The following HNF4A variants were observed in gnomAD, a reference collection of about 807,000 sequenced individuals.
HNF4A encodes the protein hepatocyte nuclear factor 4-alpha.
Under a neutral mutation model 52.4 loss-of-function variants are expected in HNF4A, and 15 were observed. That is an observed-to-expected ratio of 0.29 (90% confidence interval 0.19 to 0.44). The LOEUF is 0.44. Ranked by LOEUF, HNF4A falls within the 20% of genes least tolerant of loss-of-function variation. The probability of loss-of-function intolerance (pLI) is 1.00; values close to 1 mark genes in which losing one functional copy is unlikely to be tolerated. For missense variants in HNF4A, 479 were observed against 647.2 expected (o/e 0.74, Z 2.82); for synonymous variants, 280 against 264.4 (o/e 1.06, Z -0.57).
chr20:44,402,874 G>C (rs1233372856), intron 1 of HNF4A, among the ~76,000 whole-genome samples: 2 of 152,192 alleles, frequency 1.3e-5, no homozygotes. Context: ...GGCACTGCTT[G>C]TTGTCAGCTC....
intron 7 of HNF4A, 113 bp downstream of exon 7, chr20:44,419,989 A>G: frequency 1.8e-6 from 2 of 1,117,582 alleles, no homozygotes; most frequent in Non-Finnish European, 2.7e-6. Flanking sequence ...TGTTAACGAC[A>G]GCCAGGAGAG....
In HNF4A at chr20:44,401,361, G is replaced by T. The variant is rs1244311232; in HGVS notation, c.-12G>T. The T allele has an allele frequency of 3.1e-6, 5 of 1,614,052 alleles. No homozygotes were observed. Among genetic ancestry groups the T allele is most frequent in the Admixed American group, 1.7e-5 (1 of 60,024 alleles). On this transcript the variant is annotated 5_prime_UTR_variant, in exon 1 of 10. Transcript: ENST00000316099. ...GGGTAGGGCAGGTGGCCGCGGCGTG[G>T]AGGCAGGGAGAATGCGACTCTCCAA... is the stretch of plus-strand genomic sequence containing the variant.
chr20:44,425,801 C>T (rs6130613), intron 8 of HNF4A, among the ~76,000 whole-genome samples: 52,939 of 151,640 alleles, frequency 0.35, 10,788 homozygotes, highest in Middle Eastern at 0.51. Flanking sequence ...ACTACAGGTG[C>T]GTGCCACCAC....
chr20:44,429,732 C>T lies in HNF4A; in HGVS notation c.*67C>T, dbSNP rs2063855902. 10 of 1,515,160 alleles carry T rather than the reference C, an allele frequency of 6.6e-6. No homozygotes were observed. Among genetic ancestry groups the T allele is most frequent in the African/African-American group, 1.4e-5 (1 of 72,838 alleles). The allele number at this position is 1,515,160 out of a possible 1,614,324, so 93.9% of individuals were successfully genotyped here. On this transcript the variant is annotated 3_prime_UTR_variant, in exon 10 of 10. Coordinates refer to ENST00000316099, the MANE Select transcript of HNF4A (RefSeq NM_000457.6). Reference sequence around the variant, plus strand: ...CCCCTAAGAGAGCACCTGGTGATCACGTGGTCACGGCAAAGGAAGACGTGA... The same window carrying T: ...CCCCTAAGAGAGCACCTGGTGATCATGTGGTCACGGCAAAGGAAGACGTGA...
At chr20:44,379,045 A>G (rs1444408677) in intron 1 of HNF4A, among the ~76,000 whole-genome samples, 1 of 152,158 alleles carries the variant, frequency 6.6e-6, no homozygotes, top group African/African-American at 2.4e-5. Context: ...GTGGAATCAT[A>G]CAGTATTTGT....
intron 1 of HNF4A, chr20:44,402,507 A>G: frequency 1.6e-6 from 2 of 1,282,294 alleles, no homozygotes; most frequent in Non-Finnish European, 2.1e-6. Context: ...GTTGCCACTC[A>G]CCAAGTGAGA....
At chr20:44,433,400 G>C (rs1351887555), downstream of HNF4A, 1 of 155,040 alleles carries the variant, frequency 6.4e-6, no homozygotes, top group Admixed American at 6.5e-5. Flanking sequence ...CTAGAACAAG[G>C]CTGTGCACAG....
At chr20:44,370,746 G>A (rs2063025297) in intron 1 of HNF4A, among the ~76,000 whole-genome samples, 2 of 152,202 alleles carry the variant, frequency 1.3e-5, no homozygotes, top group African/African-American at 4.8e-5. Flanking sequence ...GGACAGCTGA[G>A]TCAGTAGGGT....
intron 1 of HNF4A, among the ~76,000 whole-genome samples, chr20:44,357,517 C>G (rs913114212): frequency 2.0e-5 from 3 of 152,136 alleles, no homozygotes; most frequent in Non-Finnish European, 4.4e-5. Flanking sequence ...TAGGGGTGAA[C>G]AGAAGGCCCC....
At chr20:44,385,879 A>T (rs549763484) in intron 1 of HNF4A, among the ~76,000 whole-genome samples, 1 of 143,532 alleles carries the variant, frequency 7.0e-6, no homozygotes, top group Non-Finnish European at 1.5e-5. Flanking sequence ...GTTTTTTTTA[A>T]GGCAGGGTCT....
chr20:44,409,470 G>A (rs900997708), intron 3 of HNF4A, among the ~76,000 whole-genome samples: 2 of 152,162 alleles, frequency 1.3e-5, no homozygotes, highest in Non-Finnish European at 2.9e-5. Flanking sequence ...ATTCCTCATA[G>A]GTGTCATCCA....
chr20:44,371,087 G>A (rs574003161), intron 1 of HNF4A, among the ~76,000 whole-genome samples: 3 of 152,330 alleles, frequency 2.0e-5, no homozygotes, highest in Non-Finnish European at 2.9e-5. Context: ...GGAGGCCTGG[G>A]TGCTCCCCTG....
At chr20:44,384,517 G>T (rs1442963568) in intron 1 of HNF4A, 1 of 152,122 alleles carries the variant, frequency 6.6e-6, no homozygotes, top group Non-Finnish European at 1.5e-5. Flanking sequence ...AAAGTTAATT[G>T]CTCACCTATA....
At chr20:44,411,500 G>A (rs1012470587) in intron 3 of HNF4A, among the ~76,000 whole-genome samples, 8 of 151,764 alleles carry the variant, frequency 5.3e-5, no homozygotes, top group Non-Finnish European at 1.2e-4. Flanking sequence ...GTGGGTGCGG[G>A]TGCTGGCAGG....
In HNF4A at chr20:44,387,689, G is replaced by C. The variant is rs867153573; in HGVS notation, c.50-18369G>C. 2.0e-4 allele frequency among the ~76,000 whole-genome samples: 20 copies of C among 101,314 alleles called. 2 individuals are homozygous for C. The highest frequency in any genetic ancestry group is 4.1e-4 in the Admixed American group (4 of 9,724). The allele number at this position is 101,314 out of a possible 152,430, so 66.5% of individuals were successfully genotyped here. ...GGGGAGGCGGGGGGGGCGGTGGAGCGGGGGAGATCCCCTCCCCAACCCTGG... is the reference window on the plus strand; with the variant it reads ...GGGGAGGCGGGGGGGGCGGTGGAGCCGGGGAGATCCCCTCCCCAACCCTGG... On this transcript the variant is annotated intron_variant, in intron 1 of 9. Coordinates refer to the HNF4A transcript ENST00000316673.
chr20:44,391,795 G>A lies in HNF4A; in HGVS notation c.50-14263G>A. Reference sequence around the variant, plus strand: ...TTACATGCTATCTGGTCTGTATAAAGAAACCTTGGCAGATACATCTGTAAG... The same window carrying A: ...TTACATGCTATCTGGTCTGTATAAAAAAACCTTGGCAGATACATCTGTAAG... On this transcript the variant is annotated intron_variant, in intron 1 of 9. Coordinates refer to the HNF4A transcript ENST00000316673. Among the ~76,000 whole-genome samples the A allele has an allele frequency of 1.3e-5, 2 of 152,206 alleles. 1 individual carries two copies. Among genetic ancestry groups the A allele is most frequent in the Admixed American group, 1.3e-4 (2 of 15,276 alleles).
At chr20:44,421,775 A>G (rs986509154) in intron 7 of HNF4A, among the ~76,000 whole-genome samples, 5 of 146,564 alleles carry the variant, frequency 3.4e-5, no homozygotes, top group Non-Finnish European at 6.0e-5. Flanking sequence ...ATATATGTGT[A>G]TATATATATA....
At chr20:44,386,542 A>G (rs1011447926) in intron 1 of HNF4A, among the ~76,000 whole-genome samples, 2 of 152,196 alleles carry the variant, frequency 1.3e-5, no homozygotes, top group African/African-American at 4.8e-5. Context: ...AATGACTGAG[A>G]GAAAATTTCT....
chr20:44,384,230 TAA>T lies in HNF4A; in HGVS notation c.50-21827_50-21826del, dbSNP rs1331745179. Among the ~76,000 whole-genome samples, 4 of 150,184 alleles carry T rather than the reference TAA, an allele frequency of 2.7e-5. No homozygotes were observed. In the Admixed American group the frequency reaches 2.7e-4, roughly 10 times the overall value. On this transcript the variant is annotated intron_variant, in intron 1 of 9. Transcript: ENST00000316673. ...AGAGGCTTTGAAAGGCAAATAGTAT[TAA>T]GTCAGGATTTGATATCAGGATTTCT...
Sources: allele counts gnomAD v4.1 joint callset (sites outside exome capture counted in the v4.1 genomes callset), GRCh38; gene constraint gnomAD v4.1.1; transcripts MANE v1.5; gene names NCBI Gene and HGNC (gene_info 2026-07-23, HGNC 2026-07-21).